Variants in TDRD1 observed in about 807,000 individuals in gnomAD.
TDRD1 encodes the protein tudor domain-containing protein 1.
In TDRD1, 37 loss-of-function variants were observed where a neutral mutation model predicts 140.6. That is an observed-to-expected ratio of 0.26 (90% CI 0.20 to 0.35). The LOEUF is 0.35. Among genes scored for constraint, TDRD1 ranks in the 10% least tolerant of loss-of-function variants. The pLI is 1.00. For missense variants in TDRD1, 1,243 were observed against 1,393.0 expected, an observed-to-expected ratio of 0.89 and a Z score of 1.71; for synonymous variants, 506 against 475.7, an observed-to-expected ratio of 1.06 and a Z score of -0.83.
chr10:114,227,287 G>A lies in TDRD1; in HGVS notation c.3391G>A (p.Ala1131Thr), dbSNP rs770950072. 6.2e-6 allele frequency: 10 copies of A among 1,609,656 alleles called. No individual in the cohort carries two copies. The Admixed American group carries it at 1.3e-4, about 21-fold the overall frequency. Residue 1131 changes from alanine (A) to threonine (T), a missense_variant, in exon 23 of 26, where the codon GCT becomes ACT. Around this residue, in one of 5 missense-constraint regions of TDRD1, gnomAD observed 601 missense variants for 734.7 expected, o/e 0.82. Transcript: ENST00000251864. ...AAACATCACACCTCAAAGGCAGAGTGCTTTAAATACAGGTATTCTTTTCAA... is the reference window on the plus strand; with the variant it reads ...AAACATCACACCTCAAAGGCAGAGTACTTTAAATACAGGTATTCTTTTCAA...
chr10:114,214,595 T>C (rs1234657199), intron 16 of TDRD1, among the ~76,000 whole-genome samples: 2 of 152,196 alleles, frequency 1.3e-5, no homozygotes, highest in East Asian at 1.9e-4. Flanking sequence ...TATAGATACA[T>C]GTGTATATAG....
rs574622560 is a variant in TDRD1 at position 114,204,966 on chromosome 10, A to C, written c.1297+73A>C. On this transcript the variant is annotated intron_variant, in intron 10 of 25. Coordinates refer to ENST00000251864, the Ensembl canonical transcript of TDRD1. Reference sequence around the variant, plus strand: ...CCACCTGTTACTCAGAAGAAACGGAAACATCAAGTGAGGCCAGGTAAACTG... The same window carrying C: ...CCACCTGTTACTCAGAAGAAACGGACACATCAAGTGAGGCCAGGTAAACTG... 12 of 1,375,782 alleles carry C rather than the reference A, an allele frequency of 8.7e-6. No individual in the cohort carries two copies. The East Asian group carries it at 3.2e-4, about 37-fold the overall frequency. The allele number at this position is 1,375,782 out of a possible 1,614,324, so 85.2% of individuals were successfully genotyped here.
chr10:114,215,238 A>G (rs902245961), intron 16 of TDRD1, among the ~76,000 whole-genome samples: 1 of 152,036 alleles, frequency 6.6e-6, no homozygotes, highest in Admixed American at 6.6e-5. Flanking sequence ...TGTATGTTAC[A>G]TGTATCTGTA....
chr10:114,231,341 T>G (rs762811387), intron 25 of TDRD1: 1 of 685,160 alleles, frequency 1.5e-6, no homozygotes, highest in Non-Finnish European at 2.5e-6. Flanking sequence ...TGGTGGTCAT[T>G]AATTTTCTTA....
intron 11 of TDRD1, among the ~76,000 whole-genome samples, chr10:114,207,065 T>G (rs1183308373): frequency 6.6e-6 from 1 of 152,246 alleles, no homozygotes; most frequent in Non-Finnish European, 1.5e-5. Flanking sequence ...TGTGTGTGGT[T>G]TATTTAGATT....
chr10:114,199,218 A>C, exon 4 of TDRD1: 1 of 1,614,006 alleles, frequency 6.2e-7, no homozygotes, highest in Non-Finnish European at 8.5e-7. Flanking sequence ...AAAACTAAAC[A>C]AGTTGGTCGA....
At chr10:114,190,871 C>A in intron 2 of TDRD1, 90 bp from the exon 3 acceptor site, 1 of 1,291,556 alleles carries the variant, frequency 7.7e-7, no homozygotes, top group Non-Finnish European at 1.1e-6. Flanking sequence ...AGCCCTGTTA[C>A]TTGAATATCA....
intron 11 of TDRD1, among the ~76,000 whole-genome samples, chr10:114,209,315 G>T (rs1053717745): frequency 6.6e-6 from 1 of 152,168 alleles, no homozygotes; most frequent in African/African-American, 2.4e-5. Flanking sequence ...CTATGTACAC[G>T]TGAAGAAGCA....
intron 20 of TDRD1, among the ~76,000 whole-genome samples, chr10:114,222,380 C>T (rs944093186): frequency 2.6e-5 from 4 of 152,148 alleles, no homozygotes; most frequent in Admixed American, 2.0e-4. Context: ...TGCCCACTCC[C>T]GGTATTGATT....
At chr10:114,182,939 C>T (rs2033206797) in intron 1 of TDRD1, among the ~76,000 whole-genome samples, 2 of 152,164 alleles carry the variant, frequency 1.3e-5, no homozygotes, top group South Asian at 4.1e-4. Context: ...CCGCCTCAGC[C>T]TCCCAAAGTG....
rs769571998 is a variant in TDRD1 at position 114,199,332 on chromosome 10, C to T, written c.529+15C>T. The T allele has an allele frequency of 1.3e-6, 2 of 1,571,022 alleles. No homozygotes were observed. The highest frequency in any genetic ancestry group is 2.4e-5 in the South Asian group (2 of 84,170). ...TGGCCTATTTGGTAAGCATATTGTT[C>T]TTGGGTGTCTGAATTCTTCTTCCAC... On this transcript the variant is annotated intron_variant, in intron 4 of 25. Transcript: ENST00000251864.
At chr10:114,198,415 G>A (rs1053834444) in intron 3 of TDRD1, among the ~76,000 whole-genome samples, 1 of 152,176 alleles carries the variant, frequency 6.6e-6, no homozygotes, top group Non-Finnish European at 1.5e-5. Context: ...GGGATAAAGT[G>A]CTGGCACCCT....
At chr10:114,220,497 T>C in intron 18 of TDRD1, 71 bp from the exon 19 acceptor site, 4 of 1,079,106 alleles carry the variant, frequency 3.7e-6, no homozygotes, top group Non-Finnish European at 4.2e-6. Context: ...AAAGACCTGG[T>C]GCTGGGTACT....
chr10:114,175,064 C>A (rs2032661871), upstream of TDRD1, among the ~76,000 whole-genome samples: 1 of 152,178 alleles, frequency 6.6e-6, no homozygotes, highest in South Asian at 2.1e-4. Context: ...TAAGCGTCTT[C>A]GATACTGTTG....
chr10:114,193,289 CTTTT>C (rs1170053036), intron 3 of TDRD1, among the ~76,000 whole-genome samples: 7 of 83,702 alleles, frequency 8.4e-5, no homozygotes, highest in African/African-American at 3.5e-4. Flanking sequence ...TTGCTGAAGT[CTTTT>C]TTTTTTTTTT....
upstream of TDRD1, among the ~76,000 whole-genome samples, chr10:114,176,948 TA>T (rs1292446177): frequency 2.6e-5 from 4 of 152,162 alleles, no homozygotes; most frequent in African/African-American, 9.6e-5. This position sits in a 1 kb window ranked among gnomAD's most constrained non-coding sequence, Gnocchi z 4.2. Flanking sequence ...CAGAAAGTAA[TA>T]AAGTGCTTAA....
At chr10:114,218,285 G>A in intron 17 of TDRD1, 129 bp from the exon 18 acceptor site, 1 of 575,748 alleles carries the variant, frequency 1.7e-6, no homozygotes, top group Non-Finnish European at 2.9e-6. Context: ...AAAAATGAAA[G>A]GCGTGATTTG....
intron 3 of TDRD1, among the ~76,000 whole-genome samples, chr10:114,195,585 A>G (rs2034288232): frequency 6.6e-6 from 1 of 151,894 alleles, no homozygotes. Flanking sequence ...TTTCCCTGTA[A>G]TCTGTTTTAT....
At chr10:114,187,388 T>C (rs942750199) in intron 1 of TDRD1, among the ~76,000 whole-genome samples, 3 of 152,058 alleles carry the variant, frequency 2.0e-5, no homozygotes, top group Non-Finnish European at 2.9e-5. Context: ...GGATTAGATA[T>C]AGCATAAAGT....
Sources: allele counts gnomAD v4.1 joint callset (sites outside exome capture counted in the v4.1 genomes callset), GRCh38; gene constraint gnomAD v4.1.1; regional missense constraint gnomAD v4.1.1; non-coding constraint Gnocchi (gnomAD v3.1); transcripts MANE v1.5; gene names NCBI Gene and HGNC (gene_info 2026-07-23, HGNC 2026-07-21).